The following PCDHGA2 variants were observed in gnomAD, a reference collection of about 807,000 sequenced individuals.
PCDHGA2 encodes protocadherin gamma-A2.
PCDHGA2 carries 40 observed loss-of-function variants against 59.2 expected under a neutral mutation model. The observed-to-expected ratio is 0.68, with a 90% CI of 0.52 to 0.88. The LOEUF (loss-of-function observed/expected upper bound fraction) is 0.88. PCDHGA2 is among the 40% of genes least tolerant of loss of function. The probability of loss-of-function intolerance (pLI) is 0.00; values close to 1 mark genes in which losing one functional copy is unlikely to be tolerated. For synonymous variants in PCDHGA2, 560 were observed against 526.0 expected (o/e 1.06, Z -0.89); for missense variants, 1,226 against 1,204.0 (o/e 1.02, Z -0.27).
At chr5:141,345,858 C>T (rs1052316640) in intron 1 of PCDHGA2, 1 of 1,613,342 alleles carries the variant, frequency 6.2e-7, no homozygotes, top group Admixed American at 1.7e-5. Context: ...CTACCGCCTG[C>T]TCAAGGCCAG....
chr5:141,414,752 A>G (rs1339630983), intron 1 of PCDHGA2: 9 of 1,614,110 alleles, frequency 5.6e-6, no homozygotes, highest in Non-Finnish European at 7.6e-6. Flanking sequence ...TCCTTCGACT[A>G]TGAGCAGTTT....
rs1310037589 is a variant in PCDHGA2 at position 141,339,044 on chromosome 5, G to A, written c.73G>A (p.Glu25Lys). Residue 25 changes from glutamate (E) to lysine (K), a missense_variant, in exon 1 of 4, where the codon GAG becomes AAG. By Grantham distance (56) the Glu-to-Lys change is moderately conservative (BLOSUM62 1). Transcript: ENST00000394576. ...LLCFLLATLWEARAGQIRYSV... is the reference protein window; with the variant it reads ...LLCFLLATLWKARAGQIRYSV... ...GTGCTTCCTTTTGGCGACCCTGTGG[G>A]AGGCCAGGGCCGGGCAGATTCGCTA... 5.6e-6 allele frequency: 9 copies of A among 1,605,280 alleles called. No individual in the cohort carries two copies. The South Asian group carries it at 8.8e-5, about 16-fold the overall frequency.
At chr5:141,420,733 A>T (rs989644819) in intron 1 of PCDHGA2, among the ~76,000 whole-genome samples, 1 of 152,250 alleles carries the variant, frequency 6.6e-6, no homozygotes, top group African/African-American at 2.4e-5. Flanking sequence ...GTCGGTTAAA[A>T]TCAATTGGAA....
At position 141,399,361 on chromosome 5, in the gene PCDHGA2, C is replaced by T. The variant is rs375619778; in HGVS notation, c.2424+57966C>T. 7.2e-5 allele frequency: 117 copies of T among 1,613,842 alleles called. No individual in the cohort carries two copies. Among genetic ancestry groups the T allele is most frequent in the Non-Finnish European group, 9.7e-5 (115 of 1,179,910 alleles). ...TGGAACCCTAGACCGAGAGCAAACC[C>T]CGGAGTACAATGTCACCATCACAGC... On this transcript the variant is annotated intron_variant, in intron 1 of 3. Transcript: ENST00000394576.
chr5:141,478,424 G>A, intron 1 of PCDHGA2: 2 of 1,613,686 alleles, frequency 1.2e-6, no homozygotes, highest in African/African-American at 1.3e-5. Context: ...CCGCCGCAGC[G>A]ACCCGCTGCT....
At chr5:141,495,269 CGGAGGAGGCG>C (rs2099759953) in intron 2 of PCDHGA2, among the ~76,000 whole-genome samples, 1 of 152,180 alleles carries the variant, frequency 6.6e-6, no homozygotes, top group Non-Finnish European at 1.5e-5. Context: ...AGCATTTGAC[CGGAGGAGGCG>C]GTCCGCACTC....
intron 2 of PCDHGA2, among the ~76,000 whole-genome samples, chr5:141,505,146 A>G (rs2099844101): frequency 6.6e-6 from 1 of 152,190 alleles, no homozygotes; most frequent in Non-Finnish European, 1.5e-5. Flanking sequence ...TGGATGACAG[A>G]GTAAGACCCT....
chr5:141,431,884 T>A lies in PCDHGA2; in HGVS notation c.2425-62923T>A. ...CCCTTTTAAATGTAAATGACCAAGA[T>A]TCTGAGGAAAACGGACAGGTGATCT... On this transcript the variant is annotated intron_variant, in intron 1 of 3. Transcript: ENST00000394576. This position sits in a 1 kb window ranked among gnomAD's most constrained non-coding sequence, Gnocchi z 4.8. 1.2e-6 allele frequency: 2 copies of A among 1,614,218 alleles called. No individual in the cohort carries two copies. Among genetic ancestry groups the A allele is most frequent in the Non-Finnish European group, 1.7e-6 (2 of 1,180,008 alleles).
At chr5:141,413,562 T>C in intron 1 of PCDHGA2, 1 of 1,613,850 alleles carries the variant, frequency 6.2e-7, no homozygotes, top group Non-Finnish European at 8.5e-7. Context: ...AAGTAACTGA[T>C]ATCAATGACA....
chr5:141,350,787 C>T (rs1758560543), intron 1 of PCDHGA2: 1 of 1,613,992 alleles, frequency 6.2e-7, no homozygotes. Flanking sequence ...CAATACTTCT[C>T]TCTGTCAACG....
rs1330257915 is a variant in PCDHGA2 at position 141,486,153 on chromosome 5, C to T, written c.2425-8654C>T. Reference sequence around the variant, plus strand: ...GATGTGCGGGCTCGCGATGGGGGTTCTCCAGCCATGGAGCAACATTGCAGC... The same window carrying T: ...GATGTGCGGGCTCGCGATGGGGGTTTTCCAGCCATGGAGCAACATTGCAGC... On this transcript the variant is annotated intron_variant, in intron 1 of 3. Transcript: ENST00000394576. This position sits in a 1 kb window ranked among gnomAD's most constrained non-coding sequence, Gnocchi z 5.0. 1 of 1,614,084 alleles carries T rather than the reference C, an allele frequency of 6.2e-7. No homozygotes were observed. Among genetic ancestry groups the T allele is most frequent in the Non-Finnish European group, 8.5e-7 (1 of 1,180,036 alleles).
At chr5:141,352,455 G>C in intron 1 of PCDHGA2, 8 of 1,613,978 alleles carry the variant, frequency 5.0e-6, no homozygotes, top group Non-Finnish European at 6.8e-6. Context: ...TCCAAGTCTG[G>C]GCCCGGGGTT....
At chr5:141,481,647 A>C (rs749515062) in intron 1 of PCDHGA2, among the ~76,000 whole-genome samples, 28 of 151,830 alleles carry the variant, frequency 1.8e-4, no homozygotes, top group African/African-American at 6.5e-4. Context: ...GTGAAACTTC[A>C]TCTCTACTAA....
chr5:141,392,187 AT>A (rs1221931532), intron 1 of PCDHGA2: 1 of 152,234 alleles, frequency 6.6e-6, no homozygotes, highest in Non-Finnish European at 1.5e-5. Context: ...CAGTAGGTCT[AT>A]TTTAGTCTCA....
chr5:141,401,503 C>A (rs755118621), intron 1 of PCDHGA2, among the ~76,000 whole-genome samples: 1 of 151,946 alleles, frequency 6.6e-6, no homozygotes, highest in Non-Finnish European at 1.5e-5. Flanking sequence ...AATCCTTTTC[C>A]ACCTCTATAT....
chr5:141,382,556 G>C (rs1286845940), intron 1 of PCDHGA2, among the ~76,000 whole-genome samples: 1 of 152,160 alleles, frequency 6.6e-6, no homozygotes, highest in Non-Finnish European at 1.5e-5. Flanking sequence ...GGGATATCTA[G>C]AGCAAAGAAA....
intron 1 of PCDHGA2, among the ~76,000 whole-genome samples, chr5:141,445,553 A>T (rs948468877): frequency 1.3e-5 from 2 of 152,252 alleles, no homozygotes; most frequent in Non-Finnish European, 1.5e-5. Context: ...ATACAAAAGC[A>T]CTAAGAGAAA....
In PCDHGA2 at chr5:141,357,311, T is replaced by C. The variant is rs749963588; in HGVS notation, c.2424+15916T>C. 100 of 1,613,940 alleles carry C rather than the reference T, an allele frequency of 6.2e-5. No individual in the cohort carries two copies. The Middle Eastern group carries it at 2.1e-3, about 34-fold the overall frequency. ...GCAGTGGCCGCTGTCTCCTGCGTCT[T>C]CCTGGCTTTTGTCACGGTGCTGCTA... On this transcript the variant is annotated intron_variant, in intron 1 of 3. Coordinates refer to ENST00000394576, the MANE Select transcript of PCDHGA2 (RefSeq NM_018915.4).
In PCDHGA2 at chr5:141,485,513, T is replaced by C. The variant is rs751762068; in HGVS notation, c.2425-9294T>C. The C allele has an allele frequency of 4.3e-6, 7 of 1,613,938 alleles. No homozygotes were observed. The highest frequency in any genetic ancestry group is 2.2e-5 in the East Asian group (1 of 44,890). On this transcript the variant is annotated intron_variant, in intron 1 of 3. Coordinates refer to ENST00000394576, the MANE Select transcript of PCDHGA2 (RefSeq NM_018915.4). The surrounding 1 kb of genome is among the most constrained non-coding windows in gnomAD (Gnocchi z 5.7). ...CCTGGAGTTTGTCACCGAAGGTCCTTTGGAAATGTACCGAGCAGAGGTAGA... is the reference window on the plus strand; with the variant it reads ...CCTGGAGTTTGTCACCGAAGGTCCTCTGGAAATGTACCGAGCAGAGGTAGA...
Sources: allele counts gnomAD v4.1 joint callset (sites outside exome capture counted in the v4.1 genomes callset), GRCh38; gene constraint gnomAD v4.1.1; non-coding constraint Gnocchi (gnomAD v3.1); transcripts MANE v1.5; gene names NCBI Gene and HGNC (gene_info 2026-07-23, HGNC 2026-07-21).